The following EPC1 variants were observed in gnomAD, a reference collection of about 807,000 sequenced individuals.
EPC1 encodes enhancer of polycomb 1.
In EPC1, 12 loss-of-function variants were observed where a neutral mutation model predicts 98.4. The observed-to-expected ratio is 0.12, with a 90% CI of 0.08 to 0.20. The LOEUF is 0.20. Among genes scored for constraint, EPC1 ranks in the 10% least tolerant of loss-of-function variants. The pLI is 1.00. For synonymous variants in EPC1, 357 were observed against 363.9 expected (o/e 0.98, Z 0.21); for missense variants, 729 against 990.5 (o/e 0.74, Z 3.54).
chr10:32,345,319 T>C (rs950287076), intron 1 of EPC1: 34 of 985,284 alleles, frequency 3.5e-5, no homozygotes, highest in Admixed American at 6.2e-5. Flanking sequence ...GACACTACTC[T>C]CAAAAGTAAC....
At chr10:32,347,159 G>C (rs1378249282), upstream of EPC1, 1 of 1,388,254 alleles carries the variant, frequency 7.2e-7, no homozygotes, top group African/African-American at 1.5e-5. Flanking sequence ...ACTCCACTGT[G>C]CGCTCTTCAG....
At chr10:32,318,041 C>T (rs1443795004) in intron 1 of EPC1, among the ~76,000 whole-genome samples, 1 of 152,184 alleles carries the variant, frequency 6.6e-6, no homozygotes, top group East Asian at 1.9e-4. Context: ...GTACCCCTAG[C>T]ATCCGTTTAG....
chr10:32,310,572 T>C (rs1403539563), intron 1 of EPC1, among the ~76,000 whole-genome samples: 2 of 152,262 alleles, frequency 1.3e-5, no homozygotes, highest in East Asian at 1.9e-4. Flanking sequence ...ATCAATATTA[T>C]AGTGAACACT....
intron 1 of EPC1, among the ~76,000 whole-genome samples, chr10:32,336,796 A>C (rs1025211835): frequency 2.0e-5 from 3 of 152,234 alleles, no homozygotes; most frequent in African/African-American, 7.2e-5. Context: ...TATCTCCATT[A>C]AATGGATCCA....
At chr10:32,315,389 A>C (rs1836494638) in intron 1 of EPC1, among the ~76,000 whole-genome samples, 1 of 152,232 alleles carries the variant, frequency 6.6e-6, no homozygotes, top group African/African-American at 2.4e-5. Flanking sequence ...CAAAGATTAA[A>C]TTATATTCAT....
rs1564515101 is a variant in EPC1 at position 32,268,851 on chromosome 10, T to C, written c.*212A>G. 4.1e-6 allele frequency: 2 copies of C among 482,274 alleles called. No individual in the cohort carries two copies. The highest frequency in any genetic ancestry group is 7.3e-5 in the East Asian group (2 of 27,304). 29.9% of individuals were successfully genotyped at this position (482,274 alleles called of 1,614,324 possible). ...TTACAAATATGCAGTACTGTACAGA[T>C]AATTGCTGTATTCTTAATTTACAGA... is the stretch of plus-strand genomic sequence containing the variant. On this transcript the variant is annotated 3_prime_UTR_variant, in exon 14 of 14. Transcript: ENST00000319778.
At position 32,268,164 on chromosome 10, in the gene EPC1, G is replaced by A. The variant is rs1001752549; in HGVS notation, c.*899C>T. The A allele has an allele frequency of 6.6e-6, 1 of 151,992 alleles. No homozygotes were observed. The highest frequency in any genetic ancestry group is 2.4e-5 in the African/African-American group (1 of 41,372). 9.4% of individuals were successfully genotyped at this position (151,992 alleles called of 1,614,324 possible). ...ACAATTTTTTTTGTGCTAAAAAAAGGGCAAGACAACATAAACTCCAGTTGT... is the reference window on the plus strand; with the variant it reads ...ACAATTTTTTTTGTGCTAAAAAAAGAGCAAGACAACATAAACTCCAGTTGT... On this transcript the variant is annotated 3_prime_UTR_variant, in exon 14 of 14. Transcript: ENST00000319778.
chr10:32,307,654 A>C (rs188427673), intron 1 of EPC1, among the ~76,000 whole-genome samples: 173 of 152,332 alleles, frequency 1.1e-3, no homozygotes, highest in African/African-American at 4.1e-3. Flanking sequence ...CAGTGTCACT[A>C]AACAGCAAGT....
Position 32,271,639 on chromosome 10 carries a change from G to A in EPC1, c.2284C>T (p.Pro762Ser). The change falls in exon 13 of 14, where the codon CCA (proline) becomes TCA (serine). Residue 762 changes from proline (P) to serine (S), a missense_variant. Coordinates refer to ENST00000319778, the MANE Select transcript of EPC1 (RefSeq NM_001272004.3). Reference protein sequence around the residue: ...RHIPRTLSAVPSSALKLAAAA... With the variant: ...RHIPRTLSAVSSSALKLAAAA... ...GCGGCCAGCTTTAAGGCAGATGATG[G>A]AACAGCACTTAAAGTCCTAGGTATA... 1.9e-6 allele frequency: 3 copies of A among 1,614,202 alleles called. No homozygotes were observed. Among genetic ancestry groups the A allele is most frequent in the Non-Finnish European group, 1.7e-6 (2 of 1,180,032 alleles).
chr10:32,274,945 T>C (rs1455403588), intron 10 of EPC1, among the ~76,000 whole-genome samples: 4 of 152,234 alleles, frequency 2.6e-5, no homozygotes, highest in African/African-American at 9.6e-5. Context: ...TAGATACTTT[T>C]GCCAATATAT....
intron 1 of EPC1, among the ~76,000 whole-genome samples, chr10:32,370,653 G>C (rs1270849348): frequency 2.6e-5 from 4 of 152,166 alleles, no homozygotes; most frequent in Admixed American, 6.5e-5. Context: ...GTTCAATAGA[G>C]CTTTGGGCAG....
chr10:32,342,267 T>C (rs78420415), intron 1 of EPC1, among the ~76,000 whole-genome samples: 23 of 152,270 alleles, frequency 1.5e-4, no homozygotes, highest in African/African-American at 5.3e-4. Context: ...CAGCTCCAGA[T>C]AAAGGGACTA....
At chr10:32,313,865 G>C (rs982101340) in intron 1 of EPC1, among the ~76,000 whole-genome samples, 2 of 151,628 alleles carry the variant, frequency 1.3e-5, no homozygotes, top group Admixed American at 1.3e-4. Context: ...CAGCCTGGGC[G>C]ACACAGCGAG....
chr10:32,270,775 T>C (rs111349313), intron 13 of EPC1, among the ~76,000 whole-genome samples: 22,379 of 135,322 alleles, frequency 0.17, 1,987 homozygotes, highest in South Asian at 0.33. Context: ...TGAGCTGAGA[T>C]TGTGCCACTG....
At chr10:32,341,950 A>G (rs568782943) in intron 1 of EPC1, among the ~76,000 whole-genome samples, 12 of 152,342 alleles carry the variant, frequency 7.9e-5, no homozygotes, top group African/African-American at 2.4e-4. Context: ...AACATTTTAT[A>G]GGCATATGGT....
chr10:32,269,933 T>TA (rs1835757081), intron 13 of EPC1, among the ~76,000 whole-genome samples: 1 of 152,200 alleles, frequency 6.6e-6, no homozygotes, highest in African/African-American at 2.4e-5. Context: ...GTCTGGCATT[T>TA]AAAGTGCTCC....
intron 1 of EPC1, among the ~76,000 whole-genome samples, chr10:32,307,694 A>G (rs1396358741): frequency 2.0e-5 from 3 of 152,204 alleles, no homozygotes; most frequent in African/African-American, 4.8e-5. Flanking sequence ...GTCTATTGCC[A>G]TATTTACTGG....
At chr10:32,345,336 C>T in intron 1 of EPC1, 1 of 985,414 alleles carries the variant, frequency 1.0e-6, no homozygotes, top group Non-Finnish European at 1.2e-6. Flanking sequence ...TAACATTTCA[C>T]TGTCACAGCT....
At chr10:32,282,395 C>G (rs1836454945) in intron 10 of EPC1, 1 of 152,240 alleles carries the variant, frequency 6.6e-6, no homozygotes, top group Admixed American at 6.6e-5. Context: ...TGGCATACGC[C>G]TGCAGTCCTA....
Sources: allele counts gnomAD v4.1 joint callset (sites outside exome capture counted in the v4.1 genomes callset), GRCh38; gene constraint gnomAD v4.1.1; transcripts MANE v1.5; gene names NCBI Gene and HGNC (gene_info 2026-07-23, HGNC 2026-07-21).